The following SGTB variants were observed in gnomAD, a reference collection of about 807,000 sequenced individuals.
The protein encoded by SGTB is small glutamine rich tetratricopeptide repeat co-chaperone beta.
In SGTB, 19 loss-of-function variants were observed where a neutral mutation model predicts 43.9. The ratio of observed to expected loss-of-function variants is 0.43; its 90% CI spans 0.30 to 0.63. SGTB has a LOEUF of 0.63. SGTB is among the 30% of genes least tolerant of loss of function. The probability of loss-of-function intolerance (pLI) is 0.12; values close to 1 mark genes in which losing one functional copy is unlikely to be tolerated. For synonymous variants in SGTB, 116 were observed against 117.3 expected, an observed-to-expected ratio of 0.99 and a Z score of 0.07; for missense variants, 304 against 358.9, an observed-to-expected ratio of 0.85 and a Z score of 1.24.
chr5:65,667,960 T>A lies in SGTB; in HGVS notation c.*2286A>T, dbSNP rs1186541106. 1.0e-5 allele frequency: 1 copy of A among 100,290 alleles called. No individual in the cohort carries two copies. Among genetic ancestry groups the A allele is most frequent in the African/African-American group, 2.7e-5 (1 of 36,592 alleles). The allele number at this position is 100,290 out of a possible 1,614,324, so 6.2% of individuals were successfully genotyped here. A position where few individuals can be genotyped will look rare whatever the true frequency, so the allele number is the denominator to read the frequency against. On this transcript the variant is annotated 3_prime_UTR_variant, in exon 11 of 11. Transcript: ENST00000381007. ...GTCTCTTAGTCTCTTTTTCTTTTTT[T>A]TTTTTTTTTTGAAATGGAGTCTTGC...
chr5:65,676,340 A>G (rs1308729861), intron 8 of SGTB, among the ~76,000 whole-genome samples: 2 of 152,114 alleles, frequency 1.3e-5, no homozygotes, highest in Admixed American at 6.5e-5. Flanking sequence ...AAGACAAAGA[A>G]GGGCATTACA....
chr5:65,716,941 A>G (rs1196920322), intron 2 of SGTB, among the ~76,000 whole-genome samples: 1 of 152,122 alleles, frequency 6.6e-6, no homozygotes, highest in Non-Finnish European at 1.5e-5. Context: ...GTCAGGGAAA[A>G]GAAGAGGAAC....
At chr5:65,708,283 T>C (rs1455169687) in intron 4 of SGTB, among the ~76,000 whole-genome samples, 3 of 152,252 alleles carry the variant, frequency 2.0e-5, no homozygotes, top group African/African-American at 4.8e-5. Flanking sequence ...CTGCTTCTCT[T>C]GAAGCAAGCC....
intron 6 of SGTB, among the ~76,000 whole-genome samples, chr5:65,684,614 TC>T (rs1579861337): frequency 6.6e-6 from 1 of 152,132 alleles, no homozygotes; most frequent in East Asian, 1.9e-4. Flanking sequence ...GTGCAGTGGC[TC>T]TATCTCAGCT....
chr5:65,710,780 A>G (rs941687650), intron 3 of SGTB, among the ~76,000 whole-genome samples: 4 of 152,140 alleles, frequency 2.6e-5, no homozygotes, highest in Admixed American at 1.3e-4. Flanking sequence ...TCATGAGGTC[A>G]GGAGTTCAAC....
chr5:65,712,100 A>AAAAC (rs938317555), intron 3 of SGTB, among the ~76,000 whole-genome samples: 1 of 152,176 alleles, frequency 6.6e-6, no homozygotes, highest in African/African-American at 2.4e-5. Context: ...CTAAAAAACA[A>AAAAC]AAACAAACAA....
intron 5 of SGTB, among the ~76,000 whole-genome samples, chr5:65,699,036 C>T (rs1486549189): frequency 6.6e-6 from 1 of 151,900 alleles, no homozygotes; most frequent in African/African-American, 2.4e-5. Context: ...ACTGGGTACC[C>T]ACCCAAAGAA....
chr5:65,713,131 T>A, intron 2 of SGTB, 67 bp from the exon 3 acceptor site: 1 of 1,078,628 alleles, frequency 9.3e-7, no homozygotes, highest in Non-Finnish European at 1.4e-6. Context: ...TTTTTTTTTC[T>A]GATAGAACTG....
At chr5:65,689,430 C>T (rs951391434) in intron 5 of SGTB, among the ~76,000 whole-genome samples, 3 of 152,200 alleles carry the variant, frequency 2.0e-5, no homozygotes, top group Non-Finnish European at 1.5e-5. Flanking sequence ...TATTGTCTGA[C>T]ATGCAAATCT....
At chr5:65,673,344 G>GCGGT in intron 8 of SGTB, among the ~76,000 whole-genome samples, 1 of 152,262 alleles carries the variant, frequency 6.6e-6, no homozygotes, top group African/African-American at 2.4e-5. Context: ...TCCTATAGTA[G>GCGGT]CGGTCCCCAA....
chr5:65,718,435 C>T (rs1758191864), intron 2 of SGTB, among the ~76,000 whole-genome samples: 1 of 152,174 alleles, frequency 6.6e-6, no homozygotes, highest in Non-Finnish European at 1.5e-5. Flanking sequence ...CTAAAATAAT[C>T]ATCAATCAGT....
intron 8 of SGTB, among the ~76,000 whole-genome samples, chr5:65,672,843 T>C (rs2150702221): frequency 6.6e-6 from 1 of 152,360 alleles, no homozygotes; most frequent in Non-Finnish European, 1.5e-5. Flanking sequence ...CAATAGATTA[T>C]ATTCACAGAC....
At chr5:65,718,331 T>C (rs1229440222) in intron 2 of SGTB, among the ~76,000 whole-genome samples, 1 of 152,264 alleles carries the variant, frequency 6.6e-6, no homozygotes, top group African/African-American at 2.4e-5. Context: ...TATCCAGATA[T>C]TGCAAAATCA....
At chr5:65,672,078 A>G in intron 9 of SGTB, 80 bp from the exon 10 acceptor site, 1 of 1,582,382 alleles carries the variant, frequency 6.3e-7, no homozygotes, top group South Asian at 1.1e-5. Flanking sequence ...AAAAGTTAAT[A>G]AAATACCCAT....
At chr5:65,703,001 T>A (rs560106944) in intron 5 of SGTB, among the ~76,000 whole-genome samples, 1 of 152,222 alleles carries the variant, frequency 6.6e-6, no homozygotes, top group South Asian at 2.1e-4. Context: ...GATGGGACAG[T>A]TTTGTAATTT....
intron 8 of SGTB, 140 bp downstream of exon 8, chr5:65,680,354 A>G (rs1757370889): frequency 1.2e-6 from 1 of 813,066 alleles, no homozygotes; most frequent in African/African-American, 1.8e-5. Flanking sequence ...AAATAAAAAA[A>G]CAGAACCCTG....
chr5:65,703,871 A>G (rs921353818), intron 5 of SGTB, among the ~76,000 whole-genome samples: 2 of 151,934 alleles, frequency 1.3e-5, no homozygotes, highest in Admixed American at 1.3e-4. Flanking sequence ...CCCCATCTCT[A>G]CTAAAAATAC....
At chr5:65,716,097 A>G (rs1309343768) in intron 2 of SGTB, among the ~76,000 whole-genome samples, 1 of 152,188 alleles carries the variant, frequency 6.6e-6, no homozygotes, top group African/African-American at 2.4e-5. Flanking sequence ...CAGAGAGTTC[A>G]GGGTAGGCCT....
chr5:65,714,499 T>C (rs183551330), intron 2 of SGTB, among the ~76,000 whole-genome samples: 24 of 152,246 alleles, frequency 1.6e-4, no homozygotes, highest in Non-Finnish European at 1.3e-4. Context: ...TGGAAAGACA[T>C]GGTGAGGGAT....
Sources: allele counts gnomAD v4.1 joint callset (sites outside exome capture counted in the v4.1 genomes callset), GRCh38; gene constraint gnomAD v4.1.1; transcripts MANE v1.5; gene names NCBI Gene and HGNC (gene_info 2026-07-23, HGNC 2026-07-21).